Variants in CACNA1G observed in about 807,000 individuals in gnomAD.
CACNA1G encodes calcium voltage-gated channel subunit alpha1 G.
In CACNA1G, 67 loss-of-function variants were observed where a neutral mutation model predicts 219.4. The observed-to-expected ratio is 0.31, with a 90% CI of 0.25 to 0.37. CACNA1G has a LOEUF of 0.37. Among genes scored for constraint, CACNA1G ranks in the 10% least tolerant of loss-of-function variants. CACNA1G has a pLI of 1.00. For synonymous variants in CACNA1G, 1,296 were observed against 1,345.3 expected (o/e 0.96, Z 0.80); for missense variants, 2,380 against 3,231.4 (o/e 0.74, Z 6.39).
In CACNA1G at chr17:50,626,532, A is replaced by T. The variant is rs1242482786; in HGVS notation, c.6915A>T (p.Lys2305Asn). 5.7e-6 allele frequency: 9 copies of T among 1,569,786 alleles called. No individual in the cohort carries two copies. In the South Asian group the frequency reaches 8.2e-5, roughly 14 times the overall value. ...LGGPGSRPKK[K>N]LSPPSITIDP... ...GGCCTGGGAGCCGGCCCAAGAAAAA[A>T]CTCAGCCCGCCTAGTATCACCATAG... The change falls in exon 38 of 38, where the codon AAA becomes AAT. Residue 2305 changes from lysine to asparagine, a missense_variant. Lys to Asn is a moderately conservative substitution (Grantham distance 94, BLOSUM62 0). Transcript: ENST00000359106. This position sits in a 1 kb window ranked among gnomAD's most constrained non-coding sequence, Gnocchi z 4.3.
Position 50,621,602 on chromosome 17 carries a change from G to T in CACNA1G, c.5926-58G>T. The T allele has an allele frequency of 1.3e-6, 2 of 1,584,918 alleles. No homozygotes were observed. Among genetic ancestry groups the T allele is most frequent in the Non-Finnish European group, 1.7e-6 (2 of 1,158,868 alleles). Reference sequence around the variant, plus strand: ...TGAGAGAGAGCGCGTGTGTGCGTGTGCACGCGCGTGTGCGCTGTCCTGGTT... The same window carrying T: ...TGAGAGAGAGCGCGTGTGTGCGTGTTCACGCGCGTGTGCGCTGTCCTGGTT... On this transcript the variant is annotated intron_variant, in intron 34 of 37. Coordinates refer to ENST00000359106, the MANE Select transcript of CACNA1G (RefSeq NM_018896.5). This position sits in a 1 kb window ranked among gnomAD's most constrained non-coding sequence, Gnocchi z 4.6.
intron 7 of CACNA1G, 107 bp downstream of exon 7, chr17:50,573,220 G>A: frequency 1.3e-6 from 1 of 786,494 alleles, no homozygotes; most frequent in South Asian, 1.5e-5. Context: ...TAGCTCTCAG[G>A]ACAAGTCCTG....
intron 10 of CACNA1G, among the ~76,000 whole-genome samples, 154 bp downstream of exon 10, chr17:50,590,776 G>T (rs1199982671): frequency 6.6e-6 from 1 of 152,104 alleles, no homozygotes; most frequent in African/African-American, 2.4e-5. Flanking sequence ...TAGGTGGGGG[G>T]CTCTCTGTGT....
chr17:50,607,614 C>A (rs1232936964), intron 24 of CACNA1G: 2 of 549,844 alleles, frequency 3.6e-6, no homozygotes, highest in Non-Finnish European at 6.5e-6. Flanking sequence ...TCAGCCAGAA[C>A]AAAGAGGCAG....
intron 1 of CACNA1G, among the ~76,000 whole-genome samples, chr17:50,563,957 G>A (rs943479056): frequency 7.2e-5 from 11 of 152,050 alleles, no homozygotes; most frequent in Non-Finnish European, 1.6e-4. Flanking sequence ...CTCCCCACAG[G>A]CTTCAGGAGG....
chr17:50,593,265 C>T (rs565672301), intron 13 of CACNA1G, among the ~76,000 whole-genome samples: 2 of 152,350 alleles, frequency 1.3e-5, no homozygotes, highest in South Asian at 4.1e-4. Context: ...TAGACTCACT[C>T]TGCTGCTGCT....
At chr17:50,583,417 A>G (rs1352759140) in intron 9 of CACNA1G, among the ~76,000 whole-genome samples, 5 of 152,212 alleles carry the variant, frequency 3.3e-5, no homozygotes, top group African/African-American at 9.7e-5. Flanking sequence ...TGCACAGCAC[A>G]CTAGAATAGA....
intron 10 of CACNA1G, 142 bp downstream of exon 10, chr17:50,590,764 C>G: frequency 1.4e-6 from 1 of 707,660 alleles, no homozygotes; most frequent in East Asian, 2.7e-5. Context: ...TGCCACTCCT[C>G]CTAGGTGGGG....
In CACNA1G at chr17:50,571,966, C is replaced by T. The variant is rs377069021; in HGVS notation, c.675C>T (p.Phe225=). 234 of 1,613,968 alleles carry T rather than the reference C, an allele frequency of 1.4e-4. No homozygotes were observed. The African/African-American group carries it at 2.7e-3, about 18-fold the overall frequency. Residue 225 remains phenylalanine, a synonymous_variant, in exon 5 of 38, where the codon TTC becomes TTT. Coordinates refer to ENST00000359106, the MANE Select transcript of CACNA1G (RefSeq NM_018896.5). This position sits in a 1 kb window ranked among gnomAD's most constrained non-coding sequence, Gnocchi z 4.3. ...TCTGCTTCTTCGTCTTCTTCATCTT[C>T]GGCATCGTCGGCGTCCAGCTGTGGG... The part of the protein sequence containing the change: ...LLLCFFVFFI[F]GIVGVQLWAG...
chr17:50,626,238 C>T lies in CACNA1G; in HGVS notation c.6621C>T (p.Gly2207=), dbSNP rs1329189177. 1 of 1,613,854 alleles carries T rather than the reference C, an allele frequency of 6.2e-7. No individual in the cohort carries two copies. The highest frequency in any genetic ancestry group is 8.5e-7 in the Non-Finnish European group (1 of 1,179,886). Residue 2207 remains glycine, a synonymous_variant, in exon 38 of 38, where the codon GGC becomes GGT. Coordinates refer to ENST00000359106, the MANE Select transcript of CACNA1G (RefSeq NM_018896.5). This position sits in a 1 kb window ranked among gnomAD's most constrained non-coding sequence, Gnocchi z 4.3. ...GCCCAGAACCCAACTGGGGCAAGGG[C>T]CCTCCAGAGACCAGAAGCAGCTTAG... ...CPGPEPNWGK[G]PPETRSSLEL...
chr17:50,613,797 C>T (rs1325816367), intron 26 of CACNA1G, among the ~76,000 whole-genome samples: 1 of 152,200 alleles, frequency 6.6e-6, no homozygotes, highest in Non-Finnish European at 1.5e-5. Context: ...TCTTGTGGTA[C>T]TCAAGGAAGG....
In CACNA1G at chr17:50,591,922, G is replaced by A. The variant is rs1319042862; in HGVS notation, c.2755-15G>A. 2 of 1,613,926 alleles carry A rather than the reference G, an allele frequency of 1.2e-6. No homozygotes were observed. Among genetic ancestry groups the A allele is most frequent in the Non-Finnish European group, 1.7e-6 (2 of 1,179,820 alleles). On this transcript the variant is annotated splice_polypyrimidine_tract_variant and intron_variant, in intron 12 of 37. Coordinates refer to ENST00000359106, the MANE Select transcript of CACNA1G (RefSeq NM_018896.5). ...GCCCCTAGTATAGGCCCTGATTCCT[G>A]TCTTCTGCCCGCAGATCCTGACCCA...
At chr17:50,604,117 G>C in intron 21 of CACNA1G, 38 bp from the exon 22 acceptor site, 2 of 1,601,574 alleles carry the variant, frequency 1.2e-6, no homozygotes, top group Non-Finnish European at 1.7e-6. Context: ...GGTCTGGGCT[G>C]GGGGAAGCCT....
At chr17:50,605,001 G>A (rs1268596566) in intron 22 of CACNA1G, among the ~76,000 whole-genome samples, 1 of 152,120 alleles carries the variant, frequency 6.6e-6, no homozygotes, top group Non-Finnish European at 1.5e-5. Context: ...CCTGGGTTGG[G>A]GGCTGTTCCC....
At chr17:50,586,395 C>T (rs940300897) in intron 9 of CACNA1G, among the ~76,000 whole-genome samples, 3 of 152,224 alleles carry the variant, frequency 2.0e-5, no homozygotes, top group Non-Finnish European at 4.4e-5. Context: ...TGGTTCTGCA[C>T]TGTGCCCTGC....
chr17:50,601,240 G>A (rs1025876456), intron 19 of CACNA1G, 66 bp downstream of exon 19: 4 of 1,581,768 alleles, frequency 2.5e-6, no homozygotes, highest in Non-Finnish European at 3.4e-6. Context: ...CAGTGAGGGA[G>A]GCAAGGAGGC....
chr17:50,561,788 G>T, intron 1 of CACNA1G, 87 bp downstream of exon 1: 2 of 1,048,032 alleles, frequency 1.9e-6, no homozygotes, highest in Non-Finnish European at 2.4e-6. Flanking sequence ...AAGACCCACC[G>T]CCAGGTGAGT....
Position 50,569,822 on chromosome 17 carries a change from C to T in CACNA1G, c.586+19C>T. On this transcript the variant is annotated intron_variant, in intron 4 of 37. Transcript: ENST00000359106. ...GTGCCCAGTGAGTGACCCCTCAGCC[C>T]TCAGCCCCTGAAGAGAGCCCCAGGA... 6.5e-7 allele frequency: 1 copy of T among 1,535,648 alleles called. No homozygotes were observed. Among genetic ancestry groups the T allele is most frequent in the Non-Finnish European group, 8.8e-7 (1 of 1,134,888 alleles).
At chr17:50,611,542 C>T (rs918650649) in intron 26 of CACNA1G, among the ~76,000 whole-genome samples, 17 of 152,202 alleles carry the variant, frequency 1.1e-4, no homozygotes, top group African/African-American at 3.9e-4. Flanking sequence ...GAGAGACTGC[C>T]TCTCTGGGGC....
Sources: allele counts gnomAD v4.1 joint callset (sites outside exome capture counted in the v4.1 genomes callset), GRCh38; gene constraint gnomAD v4.1.1; non-coding constraint Gnocchi (gnomAD v3.1); transcripts MANE v1.5; gene names NCBI Gene and HGNC (gene_info 2026-07-23, HGNC 2026-07-21).